Variants in RALYL observed in about 807,000 individuals in gnomAD.
RALYL encodes RNA-binding Raly-like protein.
A neutral mutation model predicts 35.1 loss-of-function variants in RALYL; 29 were observed. That is an observed-to-expected ratio of 0.83 (90% confidence interval 0.61 to 1.13). The LOEUF is 1.13. RALYL is among the 50% of genes most tolerant of loss of function. The pLI is 0.00. For missense variants in RALYL, 359 were observed against 360.4 expected (o/e 1.00, Z 0.03); for synonymous variants, 120 against 127.6 (o/e 0.94, Z 0.40).
intron 1 of RALYL, among the ~76,000 whole-genome samples, chr8:84,297,158 T>A (rs1839910161): frequency 1.3e-5 from 2 of 152,018 alleles, no homozygotes; most frequent in Admixed American, 1.3e-4. Context: ...ATCACCCAGA[T>A]GATGAGCATA....
intron 4 of RALYL, among the ~76,000 whole-genome samples, chr8:84,841,077 A>G (rs1487992975): frequency 6.6e-6 from 1 of 152,230 alleles, no homozygotes; most frequent in Non-Finnish European, 1.5e-5. Context: ...CAAAATAACC[A>G]GCTAACATCA....
At chr8:84,835,722 A>G (rs1371991158) in intron 4 of RALYL, among the ~76,000 whole-genome samples, 2 of 151,260 alleles carry the variant, frequency 1.3e-5, no homozygotes, top group Non-Finnish European at 2.9e-5. Flanking sequence ...TACTTCCAGC[A>G]GAAAGAATAT....
intron 1 of RALYL, among the ~76,000 whole-genome samples, chr8:84,237,599 T>C (rs10504793): frequency 0.098 from 14,969 of 152,138 alleles, 1,402 homozygotes; most frequent in African/African-American, 0.25. Flanking sequence ...ATTCAAATTC[T>C]TCTTTCCTAG....
At chr8:84,634,516 C>T (rs924845806) in intron 2 of RALYL, among the ~76,000 whole-genome samples, 1 of 151,882 alleles carries the variant, frequency 6.6e-6, no homozygotes, top group African/African-American at 2.4e-5. Flanking sequence ...CATCAAAATA[C>T]ATTTACTGTA....
In RALYL at chr8:84,641,101, CT is replaced by C. The variant is rs535963597; in HGVS notation, c.256+111530del. Among the ~76,000 whole-genome samples, 24 of 151,310 alleles carry C rather than the reference CT, an allele frequency of 1.6e-4. No individual in the cohort carries two copies. In the East Asian group the frequency reaches 4.3e-3, roughly 27 times the overall value. ...CAAGAATTTATCATTCATATAAACTCTTTTTTCATATAAAATTATTATCTTT... is the reference window on the plus strand; with the variant it reads ...CAAGAATTTATCATTCATATAAACTCTTTTTCATATAAAATTATTATCTTT... On this transcript the variant is annotated intron_variant, in intron 2 of 8. Transcript: ENST00000521268.
intron 1 of RALYL, among the ~76,000 whole-genome samples, chr8:84,453,727 A>G (rs1031202931): frequency 6.6e-6 from 1 of 152,030 alleles, no homozygotes; most frequent in African/African-American, 2.4e-5. Flanking sequence ...TCTCTTATTC[A>G]GAAATGAATT....
chr8:84,497,953 T>A (rs2056249228), intron 1 of RALYL, among the ~76,000 whole-genome samples: 1 of 38,708 alleles, frequency 2.6e-5, no homozygotes, highest in African/African-American at 1.2e-4. Context: ...AGGTTGCTTT[T>A]TAAGTTTTTT....
At chr8:84,649,684 C>T (rs1172364710) in intron 2 of RALYL, among the ~76,000 whole-genome samples, 2 of 151,944 alleles carry the variant, frequency 1.3e-5, no homozygotes, top group African/African-American at 4.8e-5. Flanking sequence ...GTTCCTGTAG[C>T]CTTGTAGTAT....
intron 2 of RALYL, among the ~76,000 whole-genome samples, chr8:84,668,937 ATGT>A (rs1438502890): frequency 6.6e-6 from 1 of 151,926 alleles, no homozygotes; most frequent in Non-Finnish European, 1.5e-5. Flanking sequence ...TTGAGGTTAA[ATGT>A]TCAACAACAC....
chr8:84,569,869 A>T (rs115295212), intron 2 of RALYL, among the ~76,000 whole-genome samples: 59 of 151,504 alleles, frequency 3.9e-4, no homozygotes, highest in African/African-American at 1.3e-3. Flanking sequence ...TTTATTTTTG[A>T]CCCTATTGTC....
At chr8:84,787,283 G>T (rs1035249286) in intron 3 of RALYL, among the ~76,000 whole-genome samples, 1 of 151,964 alleles carries the variant, frequency 6.6e-6, no homozygotes, top group African/African-American at 2.4e-5. Flanking sequence ...TCCTGTGTTA[G>T]TTTGATGAGA....
intron 2 of RALYL, among the ~76,000 whole-genome samples, chr8:84,732,359 G>T (rs908220086): frequency 6.6e-6 from 1 of 152,002 alleles, no homozygotes; most frequent in African/African-American, 2.4e-5. Context: ...ATGGACTTGG[G>T]TAATTTTCGT....
intron 1 of RALYL, among the ~76,000 whole-genome samples, chr8:84,463,164 A>G (rs2051017624): frequency 6.6e-6 from 1 of 151,860 alleles, no homozygotes; most frequent in Non-Finnish European, 1.5e-5. Context: ...TGTGACATTG[A>G]TATACTTGTA....
intron 1 of RALYL, among the ~76,000 whole-genome samples, chr8:84,317,939 GT>G (rs1420867083): frequency 6.6e-6 from 1 of 151,844 alleles, no homozygotes; most frequent in Non-Finnish European, 1.5e-5. Flanking sequence ...CAATTATTAA[GT>G]TTTTATGTCT....
chr8:84,727,398 A>G (rs974552168), intron 2 of RALYL, among the ~76,000 whole-genome samples: 8 of 152,148 alleles, frequency 5.3e-5, no homozygotes, highest in Non-Finnish European at 1.2e-4. Context: ...GAATCAAAAA[A>G]CAAAACAACA....
At chr8:84,853,291 T>G (rs947699578) in intron 5 of RALYL, among the ~76,000 whole-genome samples, 2 of 152,196 alleles carry the variant, frequency 1.3e-5, no homozygotes, top group Non-Finnish European at 2.9e-5. Flanking sequence ...TTTTCTCATC[T>G]TTAAAAGGAA....
chr8:84,898,280 G>A (rs6473572), intron 8 of RALYL, among the ~76,000 whole-genome samples: 69,615 of 152,042 alleles, frequency 0.46, 18,959 homozygotes, highest in African/African-American at 0.75. Context: ...CTAGGTGATT[G>A]TGGTGCCTAC....
At chr8:84,229,356 G>A (rs1282002102) in intron 1 of RALYL, among the ~76,000 whole-genome samples, 1 of 152,170 alleles carries the variant, frequency 6.6e-6, no homozygotes, top group Non-Finnish European at 1.5e-5. Flanking sequence ...ACTGAGTCTT[G>A]AGAAATAAGC....
intron 1 of RALYL, among the ~76,000 whole-genome samples, chr8:84,212,248 A>C (rs1002621590): frequency 2.0e-5 from 3 of 152,154 alleles, no homozygotes; most frequent in African/African-American, 7.2e-5. Flanking sequence ...TTGACAAATA[A>C]ATGGAAATTC....
Sources: gnomAD v4.1 joint callset for allele counts (sites outside exome capture counted in the v4.1 genomes callset) on GRCh38, gnomAD v4.1.1 for gene constraint, MANE v1.5 for transcripts, NCBI Gene and HGNC (gene_info 2026-07-23, HGNC 2026-07-21) for gene names.